Variants in AGPS observed in about 807,000 individuals in gnomAD.
The protein encoded by AGPS is alkylglycerone phosphate synthase.
A neutral mutation model predicts 90.7 loss-of-function variants in AGPS; 26 were observed. That is an observed-to-expected ratio of 0.29 (90% CI 0.21 to 0.40). The LOEUF (loss-of-function observed/expected upper bound fraction) is 0.40. Among genes scored for constraint, AGPS ranks in the 10% least tolerant of loss-of-function variants. AGPS has a pLI of 1.00. For synonymous variants in AGPS, 294 were observed against 285.3 expected, an observed-to-expected ratio of 1.03 and a Z score of -0.31; for missense variants, 540 against 816.1, an observed-to-expected ratio of 0.66 and a Z score of 4.12.
chr2:177,434,701 T>G (rs1317002323), intron 3 of AGPS, among the ~76,000 whole-genome samples: 1 of 152,116 alleles, frequency 6.6e-6, no homozygotes, highest in African/African-American at 2.4e-5. Context: ...CTATTTGTTC[T>G]GCCTATCACA....
intron 8 of AGPS, among the ~76,000 whole-genome samples, chr2:177,447,763 G>A (rs932165172): frequency 2.0e-5 from 3 of 152,044 alleles, no homozygotes; most frequent in Non-Finnish European, 2.9e-5. Flanking sequence ...AGGCTATAAT[G>A]TAGTTCCTAC....
In AGPS at chr2:177,493,272, G is replaced by A. The variant is rs1246841277; in HGVS notation, c.1285+73G>A. ...TATGAAACATCAGTAGGAAGAGTACGGAGTGCAGAGGTAGAAAGAACGTCA... is the reference window on the plus strand; with the variant it reads ...TATGAAACATCAGTAGGAAGAGTACAGAGTGCAGAGGTAGAAAGAACGTCA... On this transcript the variant is annotated intron_variant, in intron 12 of 19. Coordinates refer to ENST00000264167, the MANE Select transcript of AGPS (RefSeq NM_003659.4). 14 of 1,284,476 alleles carry A rather than the reference G, an allele frequency of 1.1e-5. No individual in the cohort carries two copies. The East Asian group carries it at 1.9e-4, about 17-fold the overall frequency. The allele number at this position is 1,284,476 out of a possible 1,614,324, so 79.6% of individuals were successfully genotyped here. A position where few individuals can be genotyped will look rare whatever the true frequency, so the allele number is the denominator to read the frequency against.
At chr2:177,495,161 A>G (rs905028008) in intron 12 of AGPS, among the ~76,000 whole-genome samples, 1 of 152,134 alleles carries the variant, frequency 6.6e-6, no homozygotes, top group African/African-American at 2.4e-5. Flanking sequence ...CTATAAACCA[A>G]AGTTTCTCGA....
In AGPS at chr2:177,527,532, A is replaced by G. The variant is rs572682157; in HGVS notation, c.1855+3727A>G. Among the ~76,000 whole-genome samples the G allele has an allele frequency of 3.7e-4, 56 of 152,158 alleles. No homozygotes were observed. The South Asian group carries it at 0.011, about 30-fold the overall frequency. ...TAAAATTTTAATTTCCTCATCATAG[A>G]TATTTTTATTGTTTTCTCAGTTCTT... On this transcript the variant is annotated intron_variant, in intron 19 of 19. Coordinates refer to ENST00000264167, the MANE Select transcript of AGPS (RefSeq NM_003659.4).
chr2:177,403,840 T>G (rs923151840), intron 1 of AGPS, among the ~76,000 whole-genome samples: 3 of 152,226 alleles, frequency 2.0e-5, no homozygotes, highest in African/African-American at 7.2e-5. Flanking sequence ...GTATTATATG[T>G]AGGTACCATT....
At chr2:177,492,954 C>T (rs1049021365) in intron 11 of AGPS, among the ~76,000 whole-genome samples, 194 bp from the exon 12 acceptor site, 3 of 152,070 alleles carry the variant, frequency 2.0e-5, no homozygotes, top group East Asian at 1.9e-4. Flanking sequence ...GATTTCTTCT[C>T]TCCAAATATT....
chr2:177,508,064 A>T, intron 16 of AGPS, 33 bp downstream of exon 16: 1 of 1,452,566 alleles, frequency 6.9e-7, no homozygotes, highest in South Asian at 1.1e-5. Context: ...ATATTATTCA[A>T]ATATGCGATA....
chr2:177,393,235 G>A, intron 1 of AGPS, 186 bp downstream of exon 1: 2 of 985,396 alleles, frequency 2.0e-6, no homozygotes, highest in Non-Finnish European at 2.4e-6. Flanking sequence ...CAGGAAGGGG[G>A]CGGGATGGGA....
intron 11 of AGPS, among the ~76,000 whole-genome samples, chr2:177,490,791 CTGTT>C (rs1688230761): frequency 7.0e-6 from 1 of 143,670 alleles, no homozygotes. Flanking sequence ...AGTTTTTGCT[CTGTT>C]TAACATGTAC....
At chr2:177,521,984 A>C (rs1689208304) in intron 18 of AGPS, among the ~76,000 whole-genome samples, 1 of 152,146 alleles carries the variant, frequency 6.6e-6, no homozygotes, top group South Asian at 2.1e-4. Context: ...TACTGTTTTA[A>C]CTGCATTGCA....
intron 1 of AGPS, among the ~76,000 whole-genome samples, chr2:177,410,006 G>T (rs1188429681): frequency 2.0e-5 from 3 of 152,178 alleles, no homozygotes; most frequent in Admixed American, 1.3e-4. Context: ...TAAATGAAAG[G>T]TTTGGTGAAG....
At chr2:177,426,795 T>G (rs1032887276) in intron 2 of AGPS, among the ~76,000 whole-genome samples, 9 of 152,218 alleles carry the variant, frequency 5.9e-5, no homozygotes, top group African/African-American at 1.9e-4. Context: ...ATTTTTGCAT[T>G]GATGTTCATC....
At chr2:177,431,042 A>T (rs1686227815) in intron 2 of AGPS, among the ~76,000 whole-genome samples, 1 of 152,180 alleles carries the variant, frequency 6.6e-6, no homozygotes, top group African/African-American at 2.4e-5. Flanking sequence ...ATGATTGTAT[A>T]TACTTATCAG....
chr2:177,507,816 A>G (rs948046141), intron 15 of AGPS, among the ~76,000 whole-genome samples, 154 bp from the exon 16 acceptor site: 8 of 152,238 alleles, frequency 5.3e-5, no homozygotes, highest in African/African-American at 1.7e-4. Context: ...CTCCAGGGAC[A>G]ACTTTTCAGT....
intron 1 of AGPS, among the ~76,000 whole-genome samples, chr2:177,419,885 C>A (rs1574352961): frequency 6.6e-6 from 1 of 151,668 alleles, no homozygotes; most frequent in African/African-American, 2.4e-5. Context: ...ATTTTTTTCT[C>A]ATGTGTAAAA....
chr2:177,464,870 A>G (rs903935022), intron 9 of AGPS, among the ~76,000 whole-genome samples: 2 of 152,262 alleles, frequency 1.3e-5, no homozygotes, highest in African/African-American at 4.8e-5. Context: ...CTGGATCTTC[A>G]CAAAAGAAAG....
chr2:177,453,265 G>T lies in AGPS; in HGVS notation c.870+7639G>T, dbSNP rs535639496. 1.7e-4 allele frequency among the ~76,000 whole-genome samples: 26 copies of T among 150,080 alleles called. 1 individual carries two copies. Among genetic ancestry groups the T allele is most frequent in the African/African-American group, 5.4e-4 (22 of 41,026 alleles). On this transcript the variant is annotated intron_variant, in intron 8 of 19. Coordinates refer to ENST00000264167, the MANE Select transcript of AGPS (RefSeq NM_003659.4). ...ATGTAATATGCTTTTTCCCCCTCTG[G>T]CTACTTTTTTTTTTTTTCTTTGAGA... is the stretch of plus-strand genomic sequence containing the variant.
chr2:177,441,252 A>G lies in AGPS; in HGVS notation c.709+216A>G, dbSNP rs369848754. 44 of 509,094 alleles carry G rather than the reference A, an allele frequency of 8.6e-5. 1 individual carries two copies. Among genetic ancestry groups the G allele is most frequent in the Middle Eastern group, 5.1e-4 (1 of 1,946 alleles). 31.5% of individuals were successfully genotyped at this position (509,094 alleles called of 1,614,324 possible). A position where few individuals can be genotyped will look rare whatever the true frequency, so the allele number is the denominator to read the frequency against. On this transcript the variant is annotated intron_variant, in intron 6 of 19. Coordinates refer to ENST00000264167, the MANE Select transcript of AGPS (RefSeq NM_003659.4). ...ACCTTAGTTCATGGCTTTTTCCTCT[A>G]TGGGCCCTAGTTGAAGCTGTAATTT...
chr2:177,489,184 A>G (rs1424803941), intron 11 of AGPS, among the ~76,000 whole-genome samples: 2 of 149,596 alleles, frequency 1.3e-5, no homozygotes, highest in African/African-American at 2.5e-5. Flanking sequence ...TCCCGGGTTC[A>G]TGCCATTCTT....
Sources: allele counts gnomAD v4.1 joint callset (sites outside exome capture counted in the v4.1 genomes callset), GRCh38; gene constraint gnomAD v4.1.1; transcripts MANE v1.5; gene names NCBI Gene and HGNC (gene_info 2026-07-23, HGNC 2026-07-21).